Variants in FHIT observed in about 807,000 individuals in gnomAD.
FHIT encodes fragile histidine triad diadenosine triphosphatase, also known as bis(5'-adenosyl)-triphosphatase.
In FHIT, 19 loss-of-function variants were observed where a neutral mutation model predicts 17.9. The ratio of observed to expected loss-of-function variants is 1.06; its 90% CI spans 0.74 to 1.56. The LOEUF (loss-of-function observed/expected upper bound fraction) is 1.56, where lower values mean the gene tolerates loss of function less well. Among genes scored for constraint, FHIT ranks in the 40% most tolerant of loss-of-function variants. The pLI, the probability that FHIT is intolerant of heterozygous loss-of-function variation, is 0.00. For synonymous variants in FHIT, 81 were observed against 69.7 expected (o/e 1.16, Z -0.81); for missense variants, 248 against 189.2 (o/e 1.31, Z -1.82).
At chr3:60,708,388 T>C (rs1487086553) in intron 4 of FHIT, among the ~76,000 whole-genome samples, 1 of 152,212 alleles carries the variant, frequency 6.6e-6, no homozygotes, top group Non-Finnish European at 1.5e-5. Flanking sequence ...GCCAGCAACC[T>C]GCTGAGTCAG....
intron 3 of FHIT, among the ~76,000 whole-genome samples, chr3:61,040,549 T>C (rs1451512142): frequency 6.6e-6 from 1 of 152,222 alleles, no homozygotes; most frequent in East Asian, 1.9e-4. Context: ...TAAAATACTC[T>C]AATGTTAATA....
chr3:60,928,357 G>T (rs576785197), intron 3 of FHIT, among the ~76,000 whole-genome samples: 1 of 126,718 alleles, frequency 7.9e-6, no homozygotes, highest in South Asian at 2.6e-4. Flanking sequence ...TAAAGTGTAT[G>T]AAAGAACTTT....
intron 5 of FHIT, among the ~76,000 whole-genome samples, chr3:60,102,002 A>G (rs6772047): frequency 0.24 from 36,831 of 152,156 alleles, 4,657 homozygotes; most frequent in Middle Eastern, 0.37. Flanking sequence ...CTAGGATTTC[A>G]AAAGAATTTT....
chr3:60,648,510 T>G (rs1553687387), intron 4 of FHIT, among the ~76,000 whole-genome samples: 3 of 151,578 alleles, frequency 2.0e-5, no homozygotes, highest in African/African-American at 7.3e-5. Flanking sequence ...TGGGGGAGGG[T>G]AGAAGCCTAA....
At chr3:60,644,525 T>A (rs1246564250) in intron 4 of FHIT, among the ~76,000 whole-genome samples, 1 of 152,212 alleles carries the variant, frequency 6.6e-6, no homozygotes, top group African/African-American at 2.4e-5. Flanking sequence ...GAAATAAGCA[T>A]ACAAATACAT....
intron 5 of FHIT, among the ~76,000 whole-genome samples, chr3:60,145,268 CTCTT>C (rs1183908537): frequency 6.6e-6 from 1 of 152,094 alleles, no homozygotes; most frequent in African/African-American, 2.4e-5. Context: ...AGGTAGTTTT[CTCTT>C]TCTGTTGCTA....
At chr3:59,805,954 G>C (rs1434587965) in intron 8 of FHIT, among the ~76,000 whole-genome samples, 2 of 152,056 alleles carry the variant, frequency 1.3e-5, no homozygotes, top group Non-Finnish European at 2.9e-5. Flanking sequence ...GGCCGAGGCG[G>C]GCAGATCACG....
chr3:60,247,887 T>G (rs574599740), intron 5 of FHIT, among the ~76,000 whole-genome samples: 36 of 152,282 alleles, frequency 2.4e-4, no homozygotes, highest in Non-Finnish European at 4.9e-4. Context: ...TTAAGAAATG[T>G]TAACTCTTTT....
chr3:60,649,595 A>G (rs960567963), intron 4 of FHIT, among the ~76,000 whole-genome samples: 3 of 152,158 alleles, frequency 2.0e-5, no homozygotes, highest in African/African-American at 7.2e-5. Context: ...TGGTAAAATA[A>G]AACAACAAAA....
At chr3:60,176,147 T>C (rs1476365241) in intron 5 of FHIT, among the ~76,000 whole-genome samples, 1 of 151,948 alleles carries the variant, frequency 6.6e-6, no homozygotes. Context: ...GAGTCAGGAG[T>C]TAGAGACCAG....
At chr3:61,016,363 C>T (rs945463603) in intron 3 of FHIT, among the ~76,000 whole-genome samples, 6 of 152,066 alleles carry the variant, frequency 3.9e-5, no homozygotes, top group Non-Finnish European at 5.9e-5. Flanking sequence ...ATAAGTACCA[C>T]GTTGTCAAAA....
chr3:59,923,252 A>T (rs935817017), intron 7 of FHIT, among the ~76,000 whole-genome samples: 58 of 101,002 alleles, frequency 5.7e-4, no homozygotes, highest in Admixed American at 2.1e-3. Flanking sequence ...AAAAAAAAAA[A>T]TCCCGTGAGG....
chr3:60,782,239 A>G (rs782053500), intron 4 of FHIT, among the ~76,000 whole-genome samples: 165 of 73,314 alleles, frequency 2.3e-3, no homozygotes, highest in Admixed American at 5.2e-3. Flanking sequence ...GTGTGTGTGT[A>G]TATATATATA....
chr3:60,516,382 C>T (rs12374046), intron 5 of FHIT, among the ~76,000 whole-genome samples: 24,186 of 152,114 alleles, frequency 0.16, 2,033 homozygotes, highest in Admixed American at 0.21. Context: ...TGCAATCTAT[C>T]ATGAGATGTC....
intron 5 of FHIT, among the ~76,000 whole-genome samples, chr3:60,469,943 A>T (rs1190828653): frequency 6.6e-6 from 1 of 152,072 alleles, no homozygotes; most frequent in Non-Finnish European, 1.5e-5. Context: ...GGTAACTTCC[A>T]GAAGAATTCC....
rs572801226 is a variant in FHIT, at chr3:60,962,507, C to T, written c.-111+79540G>A. 3.3e-5 allele frequency among the ~76,000 whole-genome samples: 5 copies of T among 152,300 alleles called. No individual in the cohort carries two copies. In the East Asian group the frequency reaches 9.6e-4, roughly 29 times the overall value. On this transcript the variant is annotated intron_variant, in intron 3 of 9. Coordinates refer to ENST00000492590, the MANE Select transcript of FHIT (RefSeq NM_002012.4). ...TGAAAGAGGGCATCTCTGTCTTGTG[C>T]CAGTTTTCAAAGTGAATGCTTCCAG...
intron 8 of FHIT, among the ~76,000 whole-genome samples, chr3:59,911,337 A>G (rs1483445617): frequency 6.6e-6 from 1 of 152,166 alleles, no homozygotes; most frequent in Non-Finnish European, 1.5e-5. Context: ...GAGCATTTTG[A>G]ACGTAGAGGG....
rs150075899 is a variant in FHIT, at chr3:59,811,152, T to C, written c.349-58831A>G. Among the ~76,000 whole-genome samples the C allele has an allele frequency of 8.5e-5, 13 of 152,330 alleles. No individual in the cohort carries two copies. In the East Asian group the frequency reaches 2.1e-3, roughly 25 times the overall value. ...CATGGACACAACACAACGTCAAGGA[T>C]GCCCTTGCACACTTATGTCACCCTC... On this transcript the variant is annotated intron_variant, in intron 8 of 9. Transcript: ENST00000492590.
At chr3:60,202,674 C>G (rs1204308127) in intron 5 of FHIT, among the ~76,000 whole-genome samples, 1 of 152,084 alleles carries the variant, frequency 6.6e-6, no homozygotes. Flanking sequence ...ATTTATTTAT[C>G]CTTAAGTAAG....
Sources: gnomAD v4.1 joint callset for allele counts (sites outside exome capture counted in the v4.1 genomes callset) on GRCh38, gnomAD v4.1.1 for gene constraint, MANE v1.5 for transcripts, NCBI Gene and HGNC (gene_info 2026-07-23, HGNC 2026-07-21) for gene names.